The following RORA variants were observed in gnomAD, a reference collection of about 807,000 sequenced individuals.
RORA encodes the protein RAR related orphan receptor A.
RORA carries 7 observed loss-of-function variants against 69.5 expected under a neutral mutation model. The ratio of observed to expected loss-of-function variants is 0.10; its 90% CI spans 0.06 to 0.19. The LOEUF (loss-of-function observed/expected upper bound fraction) is 0.19. RORA is among the 10% of genes least tolerant of loss of function. The probability of loss-of-function intolerance (pLI) is 1.00; values close to 1 mark genes in which losing one functional copy is unlikely to be tolerated. For missense variants in RORA, 457 were observed against 663.0 expected, an observed-to-expected ratio of 0.69 and a Z score of 3.41; for synonymous variants, 261 against 240.8, an observed-to-expected ratio of 1.08 and a Z score of -0.78.
chr15:60,580,257 C>G (rs2068153648), intron 2 of RORA, among the ~76,000 whole-genome samples: 2 of 152,160 alleles, frequency 1.3e-5, no homozygotes, highest in South Asian at 4.1e-4. Flanking sequence ...GCTGGTTTAA[C>G]AGGTCTAAAT....
chr15:61,185,075 G>A (rs1300764805), intron 1 of RORA, among the ~76,000 whole-genome samples: 3 of 151,710 alleles, frequency 2.0e-5, no homozygotes, highest in Non-Finnish European at 4.4e-5. Context: ...ACTTATCAAG[G>A]TGGCAGACAC....
chr15:61,082,260 G>T (rs369520054), intron 1 of RORA, among the ~76,000 whole-genome samples: 36 of 152,164 alleles, frequency 2.4e-4, no homozygotes, highest in Non-Finnish European at 4.4e-4. Context: ...AGGCCGCGGC[G>T]GGCGAATCAC....
At chr15:60,741,879 G>A (rs1014912036) in intron 1 of RORA, among the ~76,000 whole-genome samples, 1 of 151,926 alleles carries the variant, frequency 6.6e-6, no homozygotes, top group East Asian at 1.9e-4. Flanking sequence ...CCCCTCACTC[G>A]CCTCAAACCA....
chr15:60,896,439 A>G (rs1042730217), intron 1 of RORA, among the ~76,000 whole-genome samples: 1 of 152,214 alleles, frequency 6.6e-6, no homozygotes, highest in Non-Finnish European at 1.5e-5. Flanking sequence ...CTTTAAAAAC[A>G]TCCATTTGTC....
chr15:60,738,129 T>C (rs922312783), intron 1 of RORA, among the ~76,000 whole-genome samples: 4 of 152,212 alleles, frequency 2.6e-5, no homozygotes, highest in African/African-American at 9.6e-5. Flanking sequence ...AGCAAGCAGT[T>C]CCACAAGGGA....
intron 1 of RORA, among the ~76,000 whole-genome samples, chr15:60,769,510 T>A (rs1295469338): frequency 3.3e-5 from 5 of 152,160 alleles, no homozygotes; most frequent in Non-Finnish European, 7.4e-5. Context: ...TGGTTAGGGT[T>A]TAGGGGATAA....
chr15:60,516,025 ATATT>A (rs1567051438), intron 3 of RORA, among the ~76,000 whole-genome samples: 7 of 11,830 alleles, frequency 5.9e-4, no homozygotes, highest in Non-Finnish European at 9.5e-4. Flanking sequence ...ATATATTTAT[ATATT>A]TATATATATT....
intron 1 of RORA, among the ~76,000 whole-genome samples, chr15:60,849,863 A>C (rs79565156): frequency 0.017 from 2,546 of 152,248 alleles, 45 homozygotes; most frequent in South Asian, 0.063. Flanking sequence ...AGGAGGAGGC[A>C]TCTTGCACAC....
chr15:60,775,113 C>A (rs368915851), intron 1 of RORA, among the ~76,000 whole-genome samples: 1 of 152,072 alleles, frequency 6.6e-6, no homozygotes, highest in African/African-American at 2.4e-5. Flanking sequence ...TTCTTTCAAC[C>A]CTTCTCTCTT....
intron 1 of RORA, among the ~76,000 whole-genome samples, chr15:60,830,008 A>G (rs1178026972): frequency 6.6e-6 from 1 of 152,206 alleles, no homozygotes; most frequent in African/African-American, 2.4e-5. Flanking sequence ...ATAAATGAAC[A>G]AACAACTTTA....
intron 1 of RORA, among the ~76,000 whole-genome samples, chr15:60,724,467 G>T (rs548797281): frequency 4.6e-5 from 7 of 152,262 alleles, no homozygotes; most frequent in Middle Eastern, 3.4e-3. Flanking sequence ...AATGTGGAGC[G>T]GCTCCTTGTG....
chr15:60,592,349 G>T (rs2068550829), intron 2 of RORA: 4 of 1,365,058 alleles, frequency 2.9e-6, no homozygotes, highest in Non-Finnish European at 1.9e-6. Context: ...CCCCGGAGCC[G>T]CCAGCCCACC....
chr15:61,142,029 G>A (rs150023732), intron 1 of RORA, among the ~76,000 whole-genome samples: 4 of 151,870 alleles, frequency 2.6e-5, no homozygotes, highest in South Asian at 4.2e-4. Context: ...GTACAAAGAA[G>A]GGAACAGAAG....
At chr15:60,545,097 C>T (rs1276862071) in intron 2 of RORA, 1 of 152,172 alleles carries the variant, frequency 6.6e-6, no homozygotes, top group Non-Finnish European at 1.5e-5. Context: ...CTGATTTTGC[C>T]TTCACTGCTA....
chr15:60,892,353 C>CT lies in RORA; in HGVS notation c.167-213668dup, dbSNP rs572761817. ...ATTGAAACTCTTAACATATTTTTAA[C>CT]TTTTTTCCAGGGGAGGAGGGTAATT... On this transcript the variant is annotated intron_variant, in intron 1 of 10. Coordinates refer to ENST00000335670, the MANE Select transcript of RORA (RefSeq NM_134261.3). Among the ~76,000 whole-genome samples the CT allele has an allele frequency of 2.7e-4, 41 of 152,248 alleles. No homozygotes were observed. The East Asian group carries it at 5.4e-3, about 20-fold the overall frequency.
At chr15:61,013,627 T>C (rs1399614628) in intron 1 of RORA, among the ~76,000 whole-genome samples, 1 of 152,182 alleles carries the variant, frequency 6.6e-6, no homozygotes, top group Non-Finnish European at 1.5e-5. Flanking sequence ...TTTCTCTTGT[T>C]GCCTTTGTTG....
At chr15:60,964,398 G>A (rs1312835871) in intron 1 of RORA, among the ~76,000 whole-genome samples, 1 of 152,208 alleles carries the variant, frequency 6.6e-6, no homozygotes, top group African/African-American at 2.4e-5. Flanking sequence ...GAAGGTTGGG[G>A]AGGCTCTAGG....
chr15:60,871,987 C>G (rs185403383), intron 1 of RORA, among the ~76,000 whole-genome samples: 5 of 152,306 alleles, frequency 3.3e-5, no homozygotes, highest in East Asian at 3.9e-4. Context: ...CTTTACAACT[C>G]TATGCAAATC....
intron 2 of RORA, chr15:60,558,521 G>A: frequency 2.2e-6 from 1 of 448,438 alleles, no homozygotes; most frequent in Non-Finnish European, 3.9e-6. Flanking sequence ...GTGGTTAAAT[G>A]CGTATGTTTG....
Sources: gnomAD v4.1 joint callset for allele counts (sites outside exome capture counted in the v4.1 genomes callset) on GRCh38, gnomAD v4.1.1 for gene constraint, MANE v1.5 for transcripts, NCBI Gene and HGNC (gene_info 2026-07-23, HGNC 2026-07-21) for gene names.